GORASP2: variants seen among roughly 807,000 people sequenced by gnomAD.
GORASP2 encodes the protein golgi reassembly stacking protein 2.
In GORASP2, 22 loss-of-function variants were observed where a neutral mutation model predicts 45.7. The ratio of observed to expected loss-of-function variants is 0.48; its 90% CI spans 0.34 to 0.69. GORASP2 has a LOEUF of 0.69. Among genes scored for constraint, GORASP2 ranks in the 30% least tolerant of loss-of-function variants. GORASP2 has a pLI of 0.01. For synonymous variants in GORASP2, 221 were observed against 215.6 expected, an observed-to-expected ratio of 1.02 and a Z score of -0.22; for missense variants, 491 against 562.7, an observed-to-expected ratio of 0.87 and a Z score of 1.29.
chr2:170,948,360 A>G lies in GORASP2; in HGVS notation c.74A>G (p.Asn25Ser). The G allele has an allele frequency of 6.3e-7, 1 of 1,594,418 alleles. No individual in the cohort carries two copies. Among genetic ancestry groups the G allele is most frequent in the Non-Finnish European group, 8.6e-7 (1 of 1,164,864 alleles). ...TTTTTGTTTCCGCAGGTACAAGAAA[A>G]TTCCCCAGGACACAGAGCTGGTTTG... ...EGYHVLRVQE[N>S]SPGHRAGLEP... Residue 25 changes from asparagine to serine, a missense_variant, in exon 2 of 10, where the codon AAT becomes AGT. Physicochemically the swap from Asn to Ser is conservative, Grantham distance 46 (BLOSUM62 1). Around this residue, in one of 2 missense-constraint regions of GORASP2, gnomAD observed 194 missense variants for 270.4 expected, o/e 0.72. Transcript: ENST00000234160.
Position 170,962,881 on chromosome 2 carries a change from T to C in GORASP2, c.953T>C (p.Leu318Pro). 6.2e-7 allele frequency: 1 copy of C among 1,613,562 alleles called. No homozygotes were observed. Among genetic ancestry groups the C allele is most frequent in the Non-Finnish European group, 8.5e-7 (1 of 1,179,612 alleles). Residue 318 changes from leucine to proline, a missense_variant, in exon 9 of 10, where the codon CTC becomes CCC. Leu to Pro is a moderately conservative substitution (Grantham distance 98). Around this residue, in one of 2 missense-constraint regions of GORASP2, gnomAD observed 297 missense variants for 292.3 expected, o/e 1.02. Coordinates refer to ENST00000234160, the MANE Select transcript of GORASP2 (RefSeq NM_015530.5). ...LPAGLPNLPN[L>P]NLNLPAPHIM... ...GCAGGACTGCCCAACCTCCCCAACC[T>C]CAACCTCAACCTCCCAGCACCACAC...
intron 1 of GORASP2, among the ~76,000 whole-genome samples, chr2:170,937,787 T>C (rs1007956644): frequency 2.0e-5 from 3 of 152,112 alleles, no homozygotes; most frequent in Admixed American, 2.0e-4. Context: ...GAGACCAGCC[T>C]AGACAGTAAA....
chr2:170,936,136 TGAAAG>T (rs1466864140), intron 1 of GORASP2, among the ~76,000 whole-genome samples: 2 of 152,058 alleles, frequency 1.3e-5, no homozygotes, highest in Non-Finnish European at 2.9e-5. Context: ...AATATTCTAT[TGAAAG>T]GATTATATAT....
intron 1 of GORASP2, among the ~76,000 whole-genome samples, chr2:170,943,563 T>G (rs969551252): frequency 3.5e-4 from 54 of 152,198 alleles, no homozygotes; most frequent in African/African-American, 1.2e-3. Flanking sequence ...GTAAATAAAC[T>G]TTACCAAGCT....
Position 170,962,950 on chromosome 2 carries a change from T to C in GORASP2, c.1018+4T>C. The C allele has an allele frequency of 1.3e-6, 2 of 1,588,798 alleles. No individual in the cohort carries two copies. The highest frequency in any genetic ancestry group is 1.7e-6 in the Non-Finnish European group (2 of 1,156,868). ...TTACCAGAACTTGTAAACCCAGGTA[T>C]GTTGCAGATCTCACCCTCCTAGGAC... is the stretch of plus-strand genomic sequence containing the variant. On this transcript the variant is annotated splice_donor_region_variant and intron_variant, in intron 9 of 9. Coordinates refer to ENST00000234160, the MANE Select transcript of GORASP2 (RefSeq NM_015530.5).
At chr2:170,952,632 C>T (rs965364641) in intron 5 of GORASP2, among the ~76,000 whole-genome samples, 3 of 152,224 alleles carry the variant, frequency 2.0e-5, no homozygotes, top group African/African-American at 7.2e-5. Flanking sequence ...CATAATTGAT[C>T]ACTATAAATT....
intron 1 of GORASP2, among the ~76,000 whole-genome samples, chr2:170,942,017 C>T (rs914276450): frequency 5.9e-5 from 9 of 151,994 alleles, no homozygotes; most frequent in African/African-American, 1.9e-4. Flanking sequence ...TAATATTTTT[C>T]GTCTTTTTAA....
At chr2:170,944,006 T>G (rs1469889826) in intron 1 of GORASP2, among the ~76,000 whole-genome samples, 1 of 152,192 alleles carries the variant, frequency 6.6e-6, no homozygotes, top group Non-Finnish European at 1.5e-5. Flanking sequence ...TTTAACCTGT[T>G]CATTGTAAAT....
chr2:170,966,208 T>G lies in GORASP2; in HGVS notation c.*78T>G, dbSNP rs925315742. The G allele has an allele frequency of 5.0e-6, 5 of 1,008,338 alleles. No individual in the cohort carries two copies. Among genetic ancestry groups the G allele is most frequent in the Non-Finnish European group, 7.8e-6 (5 of 640,318 alleles). 62.5% of individuals were successfully genotyped at this position (1,008,338 alleles called of 1,614,324 possible). On this transcript the variant is annotated 3_prime_UTR_variant, in exon 10 of 10. Coordinates refer to ENST00000234160, the MANE Select transcript of GORASP2 (RefSeq NM_015530.5). ...CTGGAAACGCAAACTATCATTAATT[T>G]CATACTAGTTTGTACCGTATCTGTA...
intron 8 of GORASP2, among the ~76,000 whole-genome samples, 191 bp downstream of exon 8, chr2:170,961,940 G>A (rs975311638): frequency 6.6e-6 from 1 of 152,236 alleles, no homozygotes; most frequent in African/African-American, 2.4e-5. Context: ...AACCAGAGAT[G>A]TCATTTACCA....
intron 1 of GORASP2, among the ~76,000 whole-genome samples, chr2:170,938,740 C>G (rs1704010381): frequency 6.6e-6 from 1 of 152,208 alleles, no homozygotes; most frequent in Non-Finnish European, 1.5e-5. Context: ...GGCCTGTAAT[C>G]CCAGTACTTT....
At chr2:170,943,381 G>A (rs1704119108) in intron 1 of GORASP2, among the ~76,000 whole-genome samples, 1 of 152,212 alleles carries the variant, frequency 6.6e-6, no homozygotes, top group Admixed American at 6.5e-5. Context: ...CTTACCCTCA[G>A]ATGGTGATTG....
rs1167557596 is a variant in GORASP2 at position 170,961,686 on chromosome 2, C to G, written c.847C>G (p.Pro283Ala). ...AGGTGTACCAACAGTACCGTTATTG[C>G]CACCACAAGTAAACCAGTCCCTCAC... is the stretch of plus-strand genomic sequence containing the variant. ...STGVPTVPLL[P>A]PQVNQSLTSV... The change falls in exon 8 of 10, where the codon CCA (proline) becomes GCA (alanine). Residue 283 changes from proline to alanine, a missense_variant. Pro to Ala is a conservative substitution (Grantham distance 27, BLOSUM62 -1). Coordinates refer to ENST00000234160, the MANE Select transcript of GORASP2 (RefSeq NM_015530.5). 1 of 1,589,406 alleles carries G rather than the reference C, an allele frequency of 6.3e-7. No homozygotes were observed. Among genetic ancestry groups the G allele is most frequent in the Non-Finnish European group, 8.6e-7 (1 of 1,157,386 alleles).
At position 170,962,931 on chromosome 2, in the gene GORASP2, G is replaced by T; in HGVS notation, c.1003G>T (p.Glu335Ter). 1.2e-6 allele frequency: 2 copies of T among 1,613,182 alleles called. No individual in the cohort carries two copies. The highest frequency in any genetic ancestry group is 1.7e-6 in the Non-Finnish European group (2 of 1,179,282). The part of the protein sequence containing the change: ...PHIMPGVGLP[E>*]LVNPGLPPLP... ...CATCATGCCAGGGGTTGGCTTACCA[G>T]AACTTGTAAACCCAGGTATGTTGCA... Residue 335 changes from glutamate to a stop codon, truncating the protein, a stop_gained, in exon 9 of 10, where the codon GAA becomes TAA. Coordinates refer to ENST00000234160, the MANE Select transcript of GORASP2 (RefSeq NM_015530.5). LOFTEE classifies it high-confidence loss of function.
At chr2:170,936,499 T>A in intron 1 of GORASP2, 1 of 456,576 alleles carries the variant, frequency 2.2e-6, no homozygotes, top group Non-Finnish European at 4.0e-6. Flanking sequence ...GGATTACACT[T>A]ATGAGCCACC....
intron 1 of GORASP2, among the ~76,000 whole-genome samples, chr2:170,932,297 T>A (rs555299976): frequency 6.6e-6 from 1 of 152,350 alleles, no homozygotes; most frequent in South Asian, 2.1e-4. Context: ...TCATGATCCA[T>A]GCTGTTGCAC....
chr2:170,953,389 A>T (rs796310077), intron 5 of GORASP2, among the ~76,000 whole-genome samples: 39 of 152,226 alleles, frequency 2.6e-4, no homozygotes, highest in African/African-American at 8.2e-4. Context: ...AAATAAAATT[A>T]AAAAGGCTGA....
chr2:170,964,892 A>ATTTTTTTTTT (rs1199571345), intron 9 of GORASP2, among the ~76,000 whole-genome samples: 3 of 64,700 alleles, frequency 4.6e-5, no homozygotes, highest in African/African-American at 5.7e-5. Flanking sequence ...ATGCATTTTA[A>ATTTTTTTTTT]TTTTTTTTTT....
intron 5 of GORASP2, among the ~76,000 whole-genome samples, chr2:170,951,863 A>G (rs1478788286): frequency 2.0e-5 from 3 of 152,222 alleles, no homozygotes; most frequent in African/African-American, 4.8e-5. Flanking sequence ...TACCCACACT[A>G]CCTGAGATTC....
Sources: allele counts gnomAD v4.1 joint callset (sites outside exome capture counted in the v4.1 genomes callset), GRCh38; gene constraint gnomAD v4.1.1; regional missense constraint gnomAD v4.1.1; transcripts MANE v1.5; gene names NCBI Gene and HGNC (gene_info 2026-07-23, HGNC 2026-07-21).